The following UCK1 variants were observed in gnomAD, a reference collection of about 807,000 sequenced individuals.
The protein encoded by UCK1 is uridine-cytidine kinase 1, also known as cytidine monophosphokinase 1.
In UCK1, 20 loss-of-function variants were observed where a neutral mutation model predicts 34.0. The ratio of observed to expected loss-of-function variants is 0.59; its 90% confidence interval spans 0.41 to 0.86. The LOEUF is 0.86. Ranked by LOEUF, UCK1 falls within the 40% of genes least tolerant of loss-of-function variation. The pLI is 0.00. For synonymous variants in UCK1, 168 were observed against 155.9 expected, an observed-to-expected ratio of 1.08 and a Z score of -0.58; for missense variants, 343 against 383.6, an observed-to-expected ratio of 0.89 and a Z score of 0.88.
rs772241981 is a variant in UCK1 at position 131,529,106 on chromosome 9, C to CG, written c.508+21dup. On this transcript the variant is annotated intron_variant, in intron 4 of 6. Coordinates refer to ENST00000372215, the MANE Select transcript of UCK1 (RefSeq NM_031432.5). Reference sequence around the variant, plus strand: ...GCCGCCAGCCTCGGCCAGGCAGGCACGGAGGCCCGCGGCCGCCTTACCTCT... The same window carrying CG: ...GCCGCCAGCCTCGGCCAGGCAGGCACGGGAGGCCCGCGGCCGCCTTACCTCT... 5 of 1,613,216 alleles carry CG rather than the reference C, an allele frequency of 3.1e-6. No individual in the cohort carries two copies. The African/African-American group carries it at 6.7e-5, about 22-fold the overall frequency.
chr9:131,525,022 C>T lies in UCK1; in HGVS notation c.*18G>A. On this transcript the variant is annotated 3_prime_UTR_variant, in exon 7 of 7. Transcript: ENST00000372215. ...ACACATGCCGGGCGGGAGACCTGCC[C>T]TGAGGCTCGGCAGCCCCTCAGTGGG... 6.2e-7 allele frequency: 1 copy of T among 1,602,434 alleles called. No homozygotes were observed. Among genetic ancestry groups the T allele is most frequent in the Non-Finnish European group, 8.5e-7 (1 of 1,172,432 alleles).
Position 131,530,588 on chromosome 9 carries a change from G to A in UCK1, c.166C>T (p.Gln56Ter). The change falls in exon 2 of 7, where the codon CAG becomes TAG. Residue 56 changes from glutamine to a stop codon, truncating the protein, a stop_gained. Coordinates refer to ENST00000372215, the MANE Select transcript of UCK1 (RefSeq NM_031432.5). LOFTEE classifies it high-confidence loss of function. The stretch of plus-strand genomic sequence containing the variant: ...TGGCTCAGGATGACCACCTTCCGCT[G>A]CCGCTGTTCCACCTCGTTCTGTCCC... ...LLGQNEVEQR[Q>*]RKVVILSQDR... The A allele has an allele frequency of 6.2e-7, 1 of 1,614,248 alleles. No individual in the cohort carries two copies. The highest frequency in any genetic ancestry group is 8.5e-7 in the Non-Finnish European group (1 of 1,180,046).
chr9:131,524,015 GGGA>G lies in UCK1; in HGVS notation c.*1022_*1024del, dbSNP rs1413879309. 2.6e-5 allele frequency: 4 copies of G among 152,386 alleles called. No homozygotes were observed. The highest frequency in any genetic ancestry group is 4.4e-5 in the Non-Finnish European group (3 of 68,160). The allele number at this position is 152,386 out of a possible 1,614,324, so 9.4% of individuals were successfully genotyped here. ...TTCCAGAGACAGCCACCACGCAGGA[GGGA>G]GGATCACCCCAGGCAACCCAGACAC... On this transcript the variant is annotated 3_prime_UTR_variant, in exon 7 of 7. Coordinates refer to ENST00000372215, the MANE Select transcript of UCK1 (RefSeq NM_031432.5).
chr9:131,524,691 AG>A lies in UCK1; in HGVS notation c.*348del. The A allele has an allele frequency of 4.4e-6, 1 of 225,824 alleles. No individual in the cohort carries two copies. The highest frequency in any genetic ancestry group is 8.6e-6 in the Non-Finnish European group (1 of 116,226). 14.0% of individuals were successfully genotyped at this position (225,824 alleles called of 1,614,324 possible). ...TTCACTGTCAACAAAACATCAGGCC[AG>A]CCAGTGTCTAGGCTGTCTCCTCAAT... is the stretch of plus-strand genomic sequence containing the variant. On this transcript the variant is annotated 3_prime_UTR_variant, in exon 7 of 7. Transcript: ENST00000372215.
At chr9:131,530,413 G>C in intron 2 of UCK1, 73 bp downstream of exon 2, 1 of 1,577,508 alleles carries the variant, frequency 6.3e-7, no homozygotes. Flanking sequence ...CCAACCTTGG[G>C]CCCAAGCGCA....
chr9:131,526,828 G>A (rs916696003), intron 5 of UCK1, among the ~76,000 whole-genome samples: 9 of 152,238 alleles, frequency 5.9e-5, no homozygotes, highest in African/African-American at 9.6e-5. Context: ...AAGCACGAGC[G>A]CAAGGGCGAG....
intron 5 of UCK1, among the ~76,000 whole-genome samples, chr9:131,526,720 G>A (rs897038565): frequency 2.6e-5 from 4 of 152,208 alleles, no homozygotes; most frequent in Non-Finnish European, 4.4e-5. Flanking sequence ...TGTGGATTTG[G>A]GTCAAGAAGG....
In UCK1 at chr9:131,529,394, C is replaced by T. The variant is rs536837513; in HGVS notation, c.365+94G>A. The T allele has an allele frequency of 1.0e-4, 162 of 1,598,720 alleles. 1 individual carries two copies. Among genetic ancestry groups the T allele is most frequent in the East Asian group, 2.2e-4 (10 of 44,660 alleles). ...GGGTGGGGGACCCACAGAAACCAAC[C>T]GGGGGAGGCCTGCCGCCAGGCAGGT... On this transcript the variant is annotated intron_variant, in intron 3 of 6. Transcript: ENST00000372215.
In UCK1 at chr9:131,524,091, T is replaced by G. The variant is rs1273632915; in HGVS notation, c.*949A>C. ...GAGCTCCACATAGCACAAAGGAGGC[T>G]TGCTGACTTTGGGCGGCCATGTCTG... On this transcript the variant is annotated 3_prime_UTR_variant, in exon 7 of 7. Transcript: ENST00000372215. The G allele has an allele frequency of 2.6e-5, 4 of 152,296 alleles. No individual in the cohort carries two copies. The highest frequency in any genetic ancestry group is 2.1e-4 in the South Asian group (1 of 4,838). The allele number at this position is 152,296 out of a possible 1,614,324, so 9.4% of individuals were successfully genotyped here. A position where few individuals can be genotyped will look rare whatever the true frequency, so the allele number is the denominator to read the frequency against.
intron 5 of UCK1, among the ~76,000 whole-genome samples, chr9:131,527,408 C>G (rs1164388443): frequency 6.6e-6 from 1 of 152,236 alleles, no homozygotes; most frequent in Non-Finnish European, 1.5e-5. Context: ...AGCACTTCCT[C>G]TACTCAGGTC....
Position 131,531,190 on chromosome 9 carries a change from C to G in UCK1, c.-16G>C, listed in dbSNP as rs1294702393. ...CCGAAGCCATCTCGGCCTCCGCTCC[C>G]GCGCATCGGGTCCCCGCGCCCGCCC... On this transcript the variant is annotated 5_prime_UTR_variant, in exon 1 of 7. Transcript: ENST00000372215. 19 of 1,396,996 alleles carry G rather than the reference C, an allele frequency of 1.4e-5. No homozygotes were observed. In the Admixed American group the frequency reaches 1.6e-4, roughly 11 times the overall value. 86.5% of individuals were successfully genotyped at this position (1,396,996 alleles called of 1,614,324 possible). A position where few individuals can be genotyped will look rare whatever the true frequency, so the allele number is the denominator to read the frequency against.
At chr9:131,526,054 C>T (rs1187444475) in intron 5 of UCK1, 77 bp from the exon 6 acceptor site, 4 of 1,572,592 alleles carry the variant, frequency 2.5e-6, no homozygotes, top group Admixed American at 1.7e-5. Context: ...GAAACAGATG[C>T]AACAGCAGGA....
At chr9:131,528,567 C>T (rs1403115937) in intron 5 of UCK1, among the ~76,000 whole-genome samples, 5 of 152,212 alleles carry the variant, frequency 3.3e-5, no homozygotes, top group East Asian at 1.9e-4. Flanking sequence ...CCCCACTCTG[C>T]GGGGAATAAG....
intron 5 of UCK1, 137 bp from the exon 6 acceptor site, chr9:131,526,114 GAC>G (rs1950596109): frequency 1.0e-6 from 1 of 967,702 alleles, no homozygotes; most frequent in Admixed American, 2.0e-5. Context: ...GCAAATGGGG[GAC>G]ACAGACTCAG....
rs1311915418 is a variant in UCK1 at position 131,530,661 on chromosome 9, C to A, written c.109-16G>T. Reference sequence around the variant, plus strand: ...ACACGGTCGACTGGAGACACAGAAGCGGGATTCCCGCCTGGAACCGCTCGT... The same window carrying A: ...ACACGGTCGACTGGAGACACAGAAGAGGGATTCCCGCCTGGAACCGCTCGT... On this transcript the variant is annotated splice_polypyrimidine_tract_variant and intron_variant, in intron 1 of 6. Transcript: ENST00000372215. 1 of 1,614,210 alleles carries A rather than the reference C, an allele frequency of 6.2e-7. No individual in the cohort carries two copies. The highest frequency in any genetic ancestry group is 1.7e-4 in the Middle Eastern group (1 of 6,056).
rs1030279404 is a variant in UCK1, at chr9:131,531,241, C to A, written c.-67G>T. ...CTTCCCCAGGCCCGGCGCGCCCGCC[C>A]AGCGCCGAGGTCGGAGGCAACCGGA... is the stretch of plus-strand genomic sequence containing the variant. On this transcript the variant is annotated 5_prime_UTR_variant, in exon 1 of 7. Coordinates refer to ENST00000372215, the MANE Select transcript of UCK1 (RefSeq NM_031432.5). The A allele has an allele frequency of 6.9e-6, 9 of 1,295,522 alleles. No individual in the cohort carries two copies. The African/African-American group carries it at 1.3e-4, about 18-fold the overall frequency. 80.3% of individuals were successfully genotyped at this position (1,295,522 alleles called of 1,614,324 possible).
chr9:131,525,249 G>C, intron 6 of UCK1, 28 bp from the exon 7 acceptor site: 1 of 1,612,402 alleles, frequency 6.2e-7, no homozygotes, highest in Non-Finnish European at 8.5e-7. Flanking sequence ...CAAGCAGCGG[G>C]TTAGCCGCAT....
rs1458853812 is a variant in UCK1 at position 131,523,933 on chromosome 9, T to G, written c.*1107A>C. On this transcript the variant is annotated 3_prime_UTR_variant, in exon 7 of 7. Transcript: ENST00000372215. ...CCACGTCACGTCTGCATCACTACTG[T>G]GGGTGAGCCTGGACGGACGGGGGCT... 1 of 152,380 alleles carries G rather than the reference T, an allele frequency of 6.6e-6. No homozygotes were observed. The highest frequency in any genetic ancestry group is 1.5e-5 in the Non-Finnish European group (1 of 68,220). The allele number at this position is 152,380 out of a possible 1,614,324, so 9.4% of individuals were successfully genotyped here. A position where few individuals can be genotyped will look rare whatever the true frequency, so the allele number is the denominator to read the frequency against.
rs1564404602 is a variant in UCK1 at position 131,525,808 on chromosome 9, C to G, written c.652+121G>C. 2.0e-5 allele frequency: 21 copies of G among 1,050,686 alleles called. No homozygotes were observed. In the South Asian group the frequency reaches 3.0e-4, roughly 15 times the overall value. 65.1% of individuals were successfully genotyped at this position (1,050,686 alleles called of 1,614,324 possible). A position where few individuals can be genotyped will look rare whatever the true frequency, so the allele number is the denominator to read the frequency against. On this transcript the variant is annotated intron_variant, in intron 6 of 6. Coordinates refer to ENST00000372215, the MANE Select transcript of UCK1 (RefSeq NM_031432.5). ...TTAAGCATATTTTAACCCTGTGCCG[C>G]AGATCAACACTGGCAGGCCGCGTGC...
Sources: allele counts gnomAD v4.1 joint callset (sites outside exome capture counted in the v4.1 genomes callset), GRCh38; gene constraint gnomAD v4.1.1; transcripts MANE v1.5; gene names NCBI Gene and HGNC (gene_info 2026-07-23, HGNC 2026-07-21).